IDO2: variants seen among roughly 807,000 people sequenced by gnomAD.
IDO2 encodes indoleamine 2,3-dioxygenase 2.
In IDO2, 46 loss-of-function variants were observed where a neutral mutation model predicts 45.1. The ratio of observed to expected loss-of-function variants is 1.02; its 90% CI spans 0.80 to 1.30. The LOEUF is 1.30. Ranked by LOEUF, IDO2 falls within the 50% of genes most tolerant of loss-of-function variation. The pLI, the probability that IDO2 is intolerant of heterozygous loss-of-function variation, is 0.00. For missense variants in IDO2, 544 were observed against 491.8 expected (o/e 1.11, Z -1.00); for synonymous variants, 218 against 184.9 (o/e 1.18, Z -1.45).
intron 8 of IDO2, 30 bp downstream of exon 8, chr8:39,989,868 C>A (rs1303214706): frequency 4.1e-6 from 6 of 1,471,512 alleles, no homozygotes; most frequent in South Asian, 2.5e-5. Context: ...CCTGAAGGAT[C>A]CCCCAGGGGT....
intron 5 of IDO2, among the ~76,000 whole-genome samples, chr8:39,984,744 C>T (rs1808398400): frequency 6.6e-6 from 1 of 152,092 alleles, no homozygotes; most frequent in Non-Finnish European, 1.5e-5. Flanking sequence ...GTGACTCAAA[C>T]AATATGTCCT....
intron 9 of IDO2, among the ~76,000 whole-genome samples, chr8:40,005,666 TCA>T (rs1802210310): frequency 6.6e-6 from 1 of 152,188 alleles, no homozygotes; most frequent in African/African-American, 2.4e-5. Context: ...AGTATGTCAC[TCA>T]CACAGTTCTA....
intron 8 of IDO2, among the ~76,000 whole-genome samples, chr8:39,994,184 T>A (rs1049828571): frequency 1.3e-5 from 2 of 152,126 alleles, no homozygotes; most frequent in Non-Finnish European, 2.9e-5. Context: ...AGGATGATAG[T>A]TGATTTTGCT....
chr8:40,003,302 G>A (rs1203316520), intron 8 of IDO2, among the ~76,000 whole-genome samples: 3 of 150,482 alleles, frequency 2.0e-5, no homozygotes, highest in African/African-American at 4.9e-5. Flanking sequence ...CCAAGGAGGC[G>A]GAGGTTGCAA....
At chr8:39,992,346 AT>A (rs1318319191) in intron 8 of IDO2, among the ~76,000 whole-genome samples, 1 of 152,214 alleles carries the variant, frequency 6.6e-6, no homozygotes, top group Non-Finnish European at 1.5e-5. Context: ...TCAAAGAGCC[AT>A]GTGGGTTCTC....
chr8:40,008,402 C>A (rs1802254571), intron 9 of IDO2, among the ~76,000 whole-genome samples: 1 of 152,082 alleles, frequency 6.6e-6, no homozygotes, highest in Non-Finnish European at 1.5e-5. Flanking sequence ...TCTCCTTCTG[C>A]CTCTAGCCAG....
At chr8:39,949,246 T>C in exon 2 of IDO2, 3 of 1,595,308 alleles carry the variant, frequency 1.9e-6, no homozygotes, top group Non-Finnish European at 2.6e-6. Context: ...AGTATGGCTT[T>C]CTTCTTCCAG....
chr8:40,000,616 A>G (rs1441218362), intron 8 of IDO2, among the ~76,000 whole-genome samples: 3 of 152,214 alleles, frequency 2.0e-5, no homozygotes, highest in African/African-American at 7.2e-5. Flanking sequence ...ATAGACTACA[A>G]TTTACTTATT....
In IDO2 at chr8:40,013,579, C is replaced by T. The variant is rs200354370; in HGVS notation, c.734C>T (p.Pro245Leu). 1.5e-4 allele frequency: 238 copies of T among 1,613,174 alleles called. No homozygotes were observed. The highest frequency in any genetic ancestry group is 1.9e-4 in the Non-Finnish European group (230 of 1,179,620). The change falls in exon 10 of 11, where the codon CCA becomes CTA. Residue 245 changes from proline (P) to leucine (L), a missense_variant. Pro to Leu is a moderately conservative substitution (Grantham distance 98). Coordinates refer to ENST00000502986, the Ensembl canonical transcript of IDO2. The stretch of plus-strand genomic sequence containing the variant: ...CTCTTGCTTAGATGGAAAGACAACC[C>T]AGCAATGCCTGCAGGGCTGATGTAT...
At chr8:39,958,864 A>G (rs1183721123) in intron 2 of IDO2, among the ~76,000 whole-genome samples, 1 of 152,234 alleles carries the variant, frequency 6.6e-6, no homozygotes, top group East Asian at 1.9e-4. Context: ...TAGTGTTCAT[A>G]TAAAATACAG....
intron 9 of IDO2, among the ~76,000 whole-genome samples, chr8:40,008,509 C>T (rs145744231): frequency 1.9e-3 from 283 of 152,274 alleles, no homozygotes; most frequent in Non-Finnish European, 3.0e-3. Context: ...TGATTAATAA[C>T]CTTAATTACA....
chr8:40,010,857 G>A (rs1161580008), intron 9 of IDO2, among the ~76,000 whole-genome samples: 1 of 152,138 alleles, frequency 6.6e-6, no homozygotes, highest in Non-Finnish European at 1.5e-5. Context: ...TAGGGGAGTG[G>A]TCTAGCTATC....
At chr8:39,994,209 C>G (rs762249281) in intron 8 of IDO2, among the ~76,000 whole-genome samples, 1 of 151,404 alleles carries the variant, frequency 6.6e-6, no homozygotes, top group Admixed American at 6.6e-5. Context: ...TTCTTCCCTC[C>G]TTCTTTTCAA....
At chr8:39,949,151 A>T in exon 2 of IDO2, 1 of 1,600,450 alleles carries the variant, frequency 6.2e-7, no homozygotes, top group Non-Finnish European at 8.5e-7. Context: ...CCATGCAGAT[A>T]CTTCAAACAA....
intron 2 of IDO2, among the ~76,000 whole-genome samples, chr8:39,952,831 A>G (rs1354265703): frequency 1.3e-5 from 2 of 151,810 alleles, no homozygotes; most frequent in Non-Finnish European, 2.9e-5. Flanking sequence ...TGCAATGGCA[A>G]AATCTCAGCT....
At chr8:40,006,164 G>A (rs907335182) in intron 9 of IDO2, among the ~76,000 whole-genome samples, 4 of 152,154 alleles carry the variant, frequency 2.6e-5, no homozygotes, top group African/African-American at 9.7e-5. Flanking sequence ...AATACAGTTT[G>A]ACTTACCATT....
intron 8 of IDO2, among the ~76,000 whole-genome samples, chr8:39,999,678 G>C (rs567492913): frequency 1.3e-5 from 2 of 152,288 alleles, no homozygotes; most frequent in Admixed American, 1.3e-4. Context: ...TGGCCAGGCT[G>C]GTCTCAAACT....
intron 3 of IDO2, among the ~76,000 whole-genome samples, chr8:39,973,701 G>A (rs1368812475): frequency 6.6e-6 from 1 of 151,316 alleles, no homozygotes; most frequent in African/African-American, 2.4e-5. Context: ...TGGAGTGAGA[G>A]CTGTAAAACG....
chr8:39,993,620 A>G (rs1182221049), intron 8 of IDO2, among the ~76,000 whole-genome samples: 1 of 152,196 alleles, frequency 6.6e-6, no homozygotes, highest in South Asian at 2.1e-4. Context: ...TCTAAACTCA[A>G]TTGGAAAGTA....
Sources: gnomAD v4.1 joint callset for allele counts (sites outside exome capture counted in the v4.1 genomes callset) on GRCh38, gnomAD v4.1.1 for gene constraint, MANE v1.5 for transcripts, NCBI Gene and HGNC (gene_info 2026-07-23, HGNC 2026-07-21) for gene names.